Variants in MCTP1 observed in about 807,000 individuals in gnomAD.
MCTP1 encodes multiple C2 and transmembrane domain containing 1, also known as multiple C2 and transmembrane domain-containing protein 1.
In MCTP1, 69 loss-of-function variants were observed where a neutral mutation model predicts 120.6. The observed-to-expected ratio is 0.57, with a 90% CI of 0.47 to 0.70. The LOEUF (loss-of-function observed/expected upper bound fraction) is 0.70. Ranked by LOEUF, MCTP1 falls within the 30% of genes least tolerant of loss-of-function variation. The pLI is 0.00. For missense variants in MCTP1, 1,203 were observed against 1,248.8 expected (o/e 0.96, Z 0.55); for synonymous variants, 529 against 493.1 (o/e 1.07, Z -0.96).
At chr5:95,065,906 A>G (rs949614376) in intron 1 of MCTP1, among the ~76,000 whole-genome samples, 17 of 152,200 alleles carry the variant, frequency 1.1e-4, no homozygotes, top group African/African-American at 3.9e-4. Flanking sequence ...ATTCCAAACT[A>G]CTAGAAGACA....
Position 95,284,810 on chromosome 5 carries a change from C to T in MCTP1, c.-235G>A, listed in dbSNP as rs1228553044. On this transcript the variant is annotated 5_prime_UTR_variant, in exon 1 of 23. Transcript: ENST00000515393. This position sits in a 1 kb window ranked among gnomAD's most constrained non-coding sequence, Gnocchi z 5.2. ...CTCGGGACTCCGGCGCTGCCTCTTC[C>T]TCCCGCACCTGCTGGGGTGGGCTGG... 6.6e-6 allele frequency among the ~76,000 whole-genome samples: 1 copy of T among 152,094 alleles called. No homozygotes were observed. The highest frequency in any genetic ancestry group is 2.4e-5 in the African/African-American group (1 of 41,438).
intron 19 of MCTP1, among the ~76,000 whole-genome samples, chr5:94,734,128 A>G (rs1763695729): frequency 6.6e-6 from 1 of 152,100 alleles, no homozygotes; most frequent in Admixed American, 6.5e-5. Context: ...ATGCGCACTA[A>G]ATGTACCAGC....
chr5:94,943,795 C>A (rs537132076), intron 3 of MCTP1, among the ~76,000 whole-genome samples: 9 of 151,022 alleles, frequency 6.0e-5, no homozygotes, highest in Non-Finnish European at 1.0e-4. Flanking sequence ...AAAAAAAAAA[C>A]GCTACCAGAT....
intron 1 of MCTP1, among the ~76,000 whole-genome samples, chr5:95,176,415 C>T (rs1747986010): frequency 6.6e-6 from 1 of 152,038 alleles, no homozygotes; most frequent in Admixed American, 6.6e-5. Context: ...ATCCCAGCTA[C>T]TGAGGAGGCT....
chr5:94,736,777 G>A (rs140300072), intron 19 of MCTP1, among the ~76,000 whole-genome samples: 1,647 of 152,196 alleles, frequency 0.011, 12 homozygotes, highest in Non-Finnish European at 0.017. Context: ...GGTAAATTCT[G>A]ATTACTTAAC....
At chr5:95,235,487 G>C (rs2152663759) in intron 1 of MCTP1, among the ~76,000 whole-genome samples, 1 of 151,332 alleles carries the variant, frequency 6.6e-6, no homozygotes, top group East Asian at 2.0e-4. Context: ...AGAAATAAAA[G>C]GCCTCTAGAT....
intron 1 of MCTP1, among the ~76,000 whole-genome samples, chr5:95,072,912 A>G (rs1378338228): frequency 6.6e-6 from 1 of 151,694 alleles, no homozygotes; most frequent in Non-Finnish European, 1.5e-5. Flanking sequence ...TACCTGGCTA[A>G]TTTTTTGTAT....
chr5:94,741,099 C>T (rs1177358192), intron 19 of MCTP1, among the ~76,000 whole-genome samples: 2 of 152,172 alleles, frequency 1.3e-5, no homozygotes, highest in African/African-American at 2.4e-5. Flanking sequence ...TCCTTCCTCC[C>T]TGGAGTGTGA....
At chr5:94,735,350 T>A (rs1298030254) in intron 19 of MCTP1, among the ~76,000 whole-genome samples, 1 of 151,886 alleles carries the variant, frequency 6.6e-6, no homozygotes. Context: ...TGAGACAGGG[T>A]CTCAAAATAG....
intron 2 of MCTP1, among the ~76,000 whole-genome samples, chr5:95,004,811 G>A (rs1297097159): frequency 6.6e-6 from 1 of 152,212 alleles, no homozygotes; most frequent in Non-Finnish European, 1.5e-5. Context: ...AGTCCCCATG[G>A]AGAACCTCTA....
chr5:94,828,430 T>G (rs764478602), intron 17 of MCTP1, among the ~76,000 whole-genome samples: 4 of 152,070 alleles, frequency 2.6e-5, no homozygotes, highest in Non-Finnish European at 5.9e-5. Flanking sequence ...GGCACGGGGG[T>G]CAAGGACCCA....
Position 95,069,984 on chromosome 5 carries a change from A to T in MCTP1, c.721-52500T>A, listed in dbSNP as rs112290636. Among the ~76,000 whole-genome samples, 804 of 152,248 alleles carry T rather than the reference A, an allele frequency of 5.3e-3. 7 individuals carry two copies. The highest frequency in any genetic ancestry group is 0.018 in the African/African-American group (741 of 41,548). Reference sequence around the variant, plus strand: ...TCCCAAAGTGCTGGGATTACAAGCGAGAGCCATCGTGCCCGGCCGACCCTC... The same window carrying T: ...TCCCAAAGTGCTGGGATTACAAGCGTGAGCCATCGTGCCCGGCCGACCCTC... On this transcript the variant is annotated intron_variant, in intron 1 of 22. Transcript: ENST00000515393.
rs1342718793 is a variant in MCTP1, at chr5:94,953,234, C to T, written c.966G>A (p.Glu322=). 3.1e-6 allele frequency: 5 copies of T among 1,611,104 alleles called. No homozygotes were observed. The highest frequency in any genetic ancestry group is 1.1e-5 in the South Asian group (1 of 90,448). Reference sequence around the variant, plus strand: ...AATGGCTCACCTTTATATACAATGGCTCCCTAAGATGATCAACCAGAATAC... The same window carrying T: ...AATGGCTCACCTTTATATACAATGGTTCCCTAAGATGATCAACCAGAATAC... ...KACILVDHLR[E]PLYIKVFDYD... is the part of the protein sequence containing the mutation. Residue 322 remains glutamate, a synonymous_variant, in exon 3 of 23, where the codon GAG becomes GAA. Coordinates refer to ENST00000515393, the MANE Select transcript of MCTP1 (RefSeq NM_024717.7).
At chr5:95,134,992 C>CAAAAAAAAAAA (rs70978170) in intron 1 of MCTP1, among the ~76,000 whole-genome samples, 1 of 35,310 alleles carries the variant, frequency 2.8e-5, no homozygotes, top group Non-Finnish European at 5.2e-5. Flanking sequence ...GCCTGATGGC[C>CAAAAAAAAAAA]AAAAAAAAAA....
At chr5:95,219,381 CAAAAA>C (rs11414984) in intron 1 of MCTP1, among the ~76,000 whole-genome samples, 1 of 85,972 alleles carries the variant, frequency 1.2e-5, no homozygotes, top group African/African-American at 4.9e-5. Context: ...GACTCCATCT[CAAAAA>C]AAAAAAAAAA....
At chr5:94,764,294 A>G (rs1203889106) in intron 19 of MCTP1, among the ~76,000 whole-genome samples, 2 of 152,216 alleles carry the variant, frequency 1.3e-5, no homozygotes, top group Non-Finnish European at 2.9e-5. Context: ...CATTGTCACC[A>G]CCATGTTAAC....
chr5:95,055,523 G>C (rs1055266975), intron 1 of MCTP1, among the ~76,000 whole-genome samples: 1 of 152,238 alleles, frequency 6.6e-6, no homozygotes, highest in African/African-American at 2.4e-5. Context: ...AAGAGACTGA[G>C]ACAAGGAGAG....
In MCTP1 at chr5:94,706,545, T is replaced by G. The variant is rs1754666556; in HGVS notation, c.*951A>C. Reference sequence around the variant, plus strand: ...ACTAATAACAAAATCATAGTATGAATTAAAGCATTTCAGTAATCTAATGAG... The same window carrying G: ...ACTAATAACAAAATCATAGTATGAAGTAAAGCATTTCAGTAATCTAATGAG... On this transcript the variant is annotated 3_prime_UTR_variant, in exon 23 of 23. Coordinates refer to ENST00000515393, the MANE Select transcript of MCTP1 (RefSeq NM_024717.7). 6.6e-6 allele frequency: 1 copy of G among 150,624 alleles called. No homozygotes were observed. The highest frequency in any genetic ancestry group is 1.5e-5 in the Non-Finnish European group (1 of 67,640). 9.3% of individuals were successfully genotyped at this position (150,624 alleles called of 1,614,324 possible). A position where few individuals can be genotyped will look rare whatever the true frequency, so the allele number is the denominator to read the frequency against.
Position 95,024,679 on chromosome 5 carries a change from C to CACA in MCTP1, c.721-7196_721-7195insTGT, listed in dbSNP as rs1838895384. 5.0e-5 allele frequency among the ~76,000 whole-genome samples: 5 copies of CACA among 100,468 alleles called. No homozygotes were observed. In the South Asian group the frequency reaches 1.4e-3, roughly 28 times the overall value. The allele number at this position is 100,468 out of a possible 152,430, so 65.9% of individuals were successfully genotyped here. A position where few individuals can be genotyped will look rare whatever the true frequency, so the allele number is the denominator to read the frequency against. On this transcript the variant is annotated intron_variant, in intron 1 of 22. Transcript: ENST00000515393. ...CACACACACACACACACACACACAC[C>CACA]CCTAAATGCCATCCCAAACTGTTAG...
Sources: gnomAD v4.1 joint callset for allele counts (sites outside exome capture counted in the v4.1 genomes callset) on GRCh38, gnomAD v4.1.1 for gene constraint, Gnocchi (gnomAD v3.1) non-coding constraint, MANE v1.5 for transcripts, NCBI Gene and HGNC (gene_info 2026-07-23, HGNC 2026-07-21) for gene names.